The following IGSF5 variants were observed in gnomAD, a reference collection of about 807,000 sequenced individuals.
The protein encoded by IGSF5 is immunoglobulin superfamily 5 like.
Under a neutral mutation model 39.4 loss-of-function variants are expected in IGSF5, and 41 were observed. The observed-to-expected ratio is 1.04, with a 90% CI of 0.81 to 1.35. The LOEUF is 1.35. IGSF5 is among the 40% of genes most tolerant of loss of function. The pLI, the probability that IGSF5 is intolerant of heterozygous loss-of-function variation, is 0.00. For synonymous variants in IGSF5, 183 were observed against 175.3 expected, an observed-to-expected ratio of 1.04 and a Z score of -0.34; for missense variants, 487 against 494.6, an observed-to-expected ratio of 0.98 and a Z score of 0.15.
chr21:39,796,295 G>A (rs886677307), intron 8 of IGSF5, among the ~76,000 whole-genome samples: 1 of 152,146 alleles, frequency 6.6e-6, no homozygotes, highest in Non-Finnish European at 1.5e-5. Flanking sequence ...CTGGTACAGA[G>A]GTTCCTTTTA....
rs759726332 is a variant in IGSF5, at chr21:39,770,900, C to G, written c.419-16C>G. 1 of 1,458,446 alleles carries G rather than the reference C, an allele frequency of 6.9e-7. No individual in the cohort carries two copies. Among genetic ancestry groups the G allele is most frequent in the Non-Finnish European group, 9.1e-7 (1 of 1,101,254 alleles). The allele number at this position is 1,458,446 out of a possible 1,614,324, so 90.3% of individuals were successfully genotyped here. On this transcript the variant is annotated splice_polypyrimidine_tract_variant and intron_variant, in intron 3 of 8. Transcript: ENST00000380588. ...ATGGTCATGTCTTCAATGTGTTTCT[C>G]TCTTTTCTTCTTTAGTTATGGGAGA...
upstream of IGSF5, among the ~76,000 whole-genome samples, chr21:39,740,200 G>C (rs1184758807): frequency 6.6e-6 from 1 of 152,164 alleles, no homozygotes; most frequent in Non-Finnish European, 1.5e-5. Flanking sequence ...CCCATACTAG[G>C]GGTCCTTCTA....
chr21:39,752,499 T>C (rs1485323587), intron 2 of IGSF5, among the ~76,000 whole-genome samples: 1 of 152,242 alleles, frequency 6.6e-6, no homozygotes, highest in Non-Finnish European at 1.5e-5. Flanking sequence ...CTTTTTCATG[T>C]AACGACTTCT....
chr21:39,760,321 C>T (rs1036244096), intron 2 of IGSF5, among the ~76,000 whole-genome samples: 3 of 152,170 alleles, frequency 2.0e-5, no homozygotes, highest in African/African-American at 7.2e-5. Context: ...TGACATAGAA[C>T]TTAGAGCCCA....
chr21:39,713,489 T>G, the IGSF5 span, among the ~76,000 whole-genome samples: 1 of 152,148 alleles, frequency 6.6e-6, no homozygotes, highest in Non-Finnish European at 1.5e-5. Flanking sequence ...GTGCTGTGAT[T>G]CTCCTGTTGA....
the IGSF5 span, among the ~76,000 whole-genome samples, chr21:39,738,527 T>G: frequency 1.0e-3 from 159 of 152,242 alleles, 1 homozygote; most frequent in African/African-American, 3.5e-3. The surrounding 1 kb of genome is among the most constrained non-coding windows in gnomAD (Gnocchi z 6.4). Flanking sequence ...GGCATACACA[T>G]TTTACTTGAT....
intron 5 of IGSF5, among the ~76,000 whole-genome samples, chr21:39,781,015 T>G (rs1601136478): frequency 6.6e-6 from 1 of 152,222 alleles, no homozygotes; most frequent in East Asian, 1.9e-4. Context: ...CAATGAACAC[T>G]TAGTGTGTGT....
At position 39,779,182 on chromosome 21, in the gene IGSF5, C is replaced by CT; in HGVS notation, c.812dup (p.Ala272SerfsTer37). On this transcript the variant is annotated frameshift_variant, in exon 5 of 9. Coordinates refer to ENST00000380588, the MANE Select transcript of IGSF5 (RefSeq NM_001080444.2). LOFTEE classifies it high-confidence loss of function. ...TACTTGGGGCAAAGTTGGACTTGGA[C>CT]TAGCAGGCACCATGCTTCTGACGCC... 2 of 1,614,110 alleles carry CT rather than the reference C, an allele frequency of 1.2e-6. No individual in the cohort carries two copies. Among genetic ancestry groups the CT allele is most frequent in the Non-Finnish European group, 1.7e-6 (2 of 1,180,028 alleles).
chr21:39,726,590 G>C, the IGSF5 span, among the ~76,000 whole-genome samples: 1 of 152,208 alleles, frequency 6.6e-6, no homozygotes, highest in Admixed American at 6.5e-5. Context: ...GGCTGATGTA[G>C]CTGCTGCCTC....
At chr21:39,728,621 G>A in the IGSF5 span, among the ~76,000 whole-genome samples, 1 of 152,020 alleles carries the variant, frequency 6.6e-6, no homozygotes, top group Non-Finnish European at 1.5e-5. Context: ...CGTGCTCCCG[G>A]GGTGACCTCT....
At chr21:39,726,132 C>CTG in the IGSF5 span, 2 of 152,240 alleles carry the variant, frequency 1.3e-5, no homozygotes. Context: ...TCAGTTTTAA[C>CTG]TGTGTGTGGG....
rs187974982 is a variant in IGSF5 at position 39,795,473 on chromosome 21, G to A, written c.1128+1860G>A. Reference sequence around the variant, plus strand: ...ACAAGCCAAAGTGTTCAGGTCTGGCGTTGTGGGGAGGGTATAAGCTGGGAG... The same window carrying A: ...ACAAGCCAAAGTGTTCAGGTCTGGCATTGTGGGGAGGGTATAAGCTGGGAG... On this transcript the variant is annotated intron_variant, in intron 8 of 8. Transcript: ENST00000380588. Among the ~76,000 whole-genome samples, 96 of 151,800 alleles carry A rather than the reference G, an allele frequency of 6.3e-4. 2 individuals carry two copies. Among genetic ancestry groups the A allele is most frequent in the Middle Eastern group, 6.8e-3 (2 of 294 alleles).
chr21:39,778,384 C>T (rs1342880745), intron 4 of IGSF5, among the ~76,000 whole-genome samples: 1 of 152,154 alleles, frequency 6.6e-6, no homozygotes, highest in Non-Finnish European at 1.5e-5. Context: ...GCTTTTTCCT[C>T]TCTCCTTCTC....
chr21:39,711,994 C>T, the IGSF5 span, among the ~76,000 whole-genome samples: 2 of 152,110 alleles, frequency 1.3e-5, no homozygotes, highest in Non-Finnish European at 2.9e-5. Context: ...GGAAAAGTCC[C>T]CCTCTGGGGA....
chr21:39,795,948 C>G (rs1412970462), intron 8 of IGSF5, among the ~76,000 whole-genome samples: 1 of 152,082 alleles, frequency 6.6e-6, no homozygotes. Context: ...GATCTTTCTA[C>G]TCATCATGGG....
chr21:39,759,738 G>A (rs191214558), intron 2 of IGSF5, among the ~76,000 whole-genome samples: 53 of 151,902 alleles, frequency 3.5e-4, no homozygotes, highest in Admixed American at 2.7e-3. Flanking sequence ...GTGGTGGCAC[G>A]CAACTGTAGT....
rs424471 is a variant in IGSF5, at chr21:39,745,245, T to C, written c.-265T>C. Among the ~76,000 whole-genome samples the C allele has an allele frequency of 0.82, 124,005 of 151,460 alleles. 50,949 individuals are homozygous for C. The highest frequency in any genetic ancestry group is 0.86 in the Admixed American group (13,125 of 15,250). On this transcript the variant is annotated 5_prime_UTR_variant, in exon 1 of 9. The change abolishes an upstream ATG in the 5' untranslated region. Transcript: ENST00000380588. ...GGGCCCTGGCAAGGGTGGTGGGGAATGGGTCCTGCATAACTGCTCATGTCA... is the reference window on the plus strand; with the variant it reads ...GGGCCCTGGCAAGGGTGGTGGGGAACGGGTCCTGCATAACTGCTCATGTCA...
chr21:39,784,872 G>A (rs897845291), intron 5 of IGSF5, among the ~76,000 whole-genome samples: 4 of 152,024 alleles, frequency 2.6e-5, no homozygotes, highest in East Asian at 1.9e-4. Context: ...TCAGTAAGCC[G>A]ACGGATTAAC....
intron 2 of IGSF5, among the ~76,000 whole-genome samples, chr21:39,759,507 T>G (rs1365230782): frequency 2.0e-5 from 3 of 152,228 alleles, no homozygotes; most frequent in Non-Finnish European, 2.9e-5. Flanking sequence ...CAAAAAACTC[T>G]TCTAAAGGTT....
Sources: gnomAD v4.1 joint callset for allele counts (sites outside exome capture counted in the v4.1 genomes callset) on GRCh38, gnomAD v4.1.1 for gene constraint, Gnocchi (gnomAD v3.1) non-coding constraint, MANE v1.5 for transcripts, NCBI Gene and HGNC (gene_info 2026-07-23, HGNC 2026-07-21) for gene names.